GRM8: variants seen among roughly 807,000 people sequenced by gnomAD.
The protein encoded by GRM8 is glutamate metabotropic receptor 8, also known as metabotropic glutamate receptor 8.
A neutral mutation model predicts 87.2 loss-of-function variants in GRM8; 47 were observed. The ratio of observed to expected loss-of-function variants is 0.54; its 90% CI spans 0.43 to 0.69. The LOEUF is 0.69. GRM8 is among the 30% of genes least tolerant of loss of function. GRM8 has a pLI of 0.00. For missense variants in GRM8, 1,019 were observed against 1,139.2 expected (o/e 0.89, Z 1.52); for synonymous variants, 396 against 404.5 (o/e 0.98, Z 0.25).
chr7:126,625,489 C>A (rs563112759), intron 7 of GRM8, among the ~76,000 whole-genome samples: 7 of 150,456 alleles, frequency 4.7e-5, no homozygotes, highest in African/African-American at 1.7e-4. Flanking sequence ...TTCTCTGAAC[C>A]AACTCTTCTT....
At chr7:126,777,223 G>A (rs531910874) in intron 6 of GRM8, among the ~76,000 whole-genome samples, 1 of 152,136 alleles carries the variant, frequency 6.6e-6, no homozygotes, top group Admixed American at 6.6e-5. Context: ...TGGAAAATAA[G>A]GTCAGAGAAG....
chr7:127,240,263 C>G (rs573394962), intron 2 of GRM8, among the ~76,000 whole-genome samples: 9 of 150,250 alleles, frequency 6.0e-5, no homozygotes, highest in East Asian at 3.9e-4. Context: ...AACAAAACAC[C>G]CTCTTGCCTT....
chr7:126,809,049 C>T lies in GRM8; in HGVS notation c.1157-38984G>A, dbSNP rs76841994. ...GAGTTGCATTAGTCCTAGAATCTCA[C>T]AGGGAGAATCTGTTCCCTTGCGTAT... On this transcript the variant is annotated intron_variant, in intron 6 of 10. Coordinates refer to ENST00000339582, the MANE Select transcript of GRM8 (RefSeq NM_000845.3). Among the ~76,000 whole-genome samples the T allele has an allele frequency of 1.3e-4, 20 of 152,238 alleles. 1 individual carries two copies. In the East Asian group the frequency reaches 3.3e-3, roughly 25 times the overall value.
At chr7:126,878,373 T>C (rs959249413) in intron 6 of GRM8, among the ~76,000 whole-genome samples, 2 of 152,192 alleles carry the variant, frequency 1.3e-5, no homozygotes, top group African/African-American at 4.8e-5. Flanking sequence ...TGCTATTTAG[T>C]AACAGGCATA....
chr7:126,899,959 G>A (rs1326972629), intron 6 of GRM8, among the ~76,000 whole-genome samples: 1 of 151,850 alleles, frequency 6.6e-6, no homozygotes, highest in Non-Finnish European at 1.5e-5. Context: ...GAAACCTCAC[G>A]CACCTGTCTT....
At chr7:127,146,709 C>A (rs777620378) in intron 2 of GRM8, among the ~76,000 whole-genome samples, 5 of 152,014 alleles carry the variant, frequency 3.3e-5, no homozygotes, top group African/African-American at 1.2e-4. Context: ...TCTAGTAGGA[C>A]ACAGCTAAGG....
chr7:127,195,424 C>T (rs997541447), intron 2 of GRM8, among the ~76,000 whole-genome samples: 4 of 152,082 alleles, frequency 2.6e-5, no homozygotes, highest in Non-Finnish European at 5.9e-5. Flanking sequence ...TAAAAATTAG[C>T]TAATAATTAT....
intron 6 of GRM8, among the ~76,000 whole-genome samples, chr7:126,853,622 G>T (rs1797422278): frequency 1.3e-5 from 2 of 151,392 alleles, no homozygotes; most frequent in South Asian, 4.2e-4. Context: ...CGATATCATT[G>T]CACCTTGATG....
intron 7 of GRM8, among the ~76,000 whole-genome samples, chr7:126,752,367 C>T (rs1267511043): frequency 1.3e-5 from 2 of 152,210 alleles, no homozygotes; most frequent in African/African-American, 2.4e-5. Flanking sequence ...ATGTAGTTTG[C>T]TATGCTATAC....
Position 126,811,572 on chromosome 7 carries a change from G to A in GRM8, c.1157-41507C>T, listed in dbSNP as rs186508343. ...TTTTGTAGTTTTCCTTGTAGACATCGTTCACTTCCTTGGTTAAATATATTC... is the reference window on the plus strand; with the variant it reads ...TTTTGTAGTTTTCCTTGTAGACATCATTCACTTCCTTGGTTAAATATATTC... On this transcript the variant is annotated intron_variant, in intron 6 of 10. Coordinates refer to ENST00000339582, the MANE Select transcript of GRM8 (RefSeq NM_000845.3). Among the ~76,000 whole-genome samples, 174 of 151,856 alleles carry A rather than the reference G, an allele frequency of 1.1e-3. 1 individual carries two copies. Among genetic ancestry groups the A allele is most frequent in the African/African-American group, 4.1e-3 (168 of 41,450 alleles).
chr7:126,955,436 C>A (rs1808579121), intron 3 of GRM8, among the ~76,000 whole-genome samples: 1 of 151,956 alleles, frequency 6.6e-6, no homozygotes, highest in South Asian at 2.1e-4. Context: ...GCTATCAACT[C>A]ATTCTTTCTG....
intron 7 of GRM8, among the ~76,000 whole-genome samples, chr7:126,683,175 G>C (rs1300162567): frequency 4.6e-5 from 7 of 152,242 alleles, no homozygotes; most frequent in Non-Finnish European, 5.9e-5. Flanking sequence ...TGAGAAACTT[G>C]TTCTCTACAT....
chr7:126,476,870 C>A (rs1326181569), intron 9 of GRM8, among the ~76,000 whole-genome samples: 1 of 151,784 alleles, frequency 6.6e-6, no homozygotes, highest in Non-Finnish European at 1.5e-5. Flanking sequence ...AACTGCCATA[C>A]AATCTAGCAC....
intron 6 of GRM8, among the ~76,000 whole-genome samples, chr7:126,818,106 C>G: frequency 6.6e-6 from 1 of 151,808 alleles, no homozygotes; most frequent in East Asian, 1.9e-4. Flanking sequence ...GGATTTGTTT[C>G]CAACTGGATA....
At chr7:127,242,338 T>C (rs553521452) in intron 2 of GRM8, among the ~76,000 whole-genome samples, 4 of 152,202 alleles carry the variant, frequency 2.6e-5, no homozygotes, top group Non-Finnish European at 4.4e-5. Context: ...ATGTTTTCCA[T>C]GATAAATGCG....
intron 6 of GRM8, among the ~76,000 whole-genome samples, chr7:126,771,777 G>T (rs1818866533): frequency 6.6e-6 from 1 of 151,986 alleles, no homozygotes; most frequent in African/African-American, 2.4e-5. Context: ...GGCTATCTCT[G>T]CAGGGGATTC....
chr7:126,544,657 A>C (rs1816935474), intron 8 of GRM8, among the ~76,000 whole-genome samples: 1 of 151,892 alleles, frequency 6.6e-6, no homozygotes, highest in South Asian at 2.1e-4. Flanking sequence ...ACTAAGGTGC[A>C]CGCCACCACG....
intron 6 of GRM8, among the ~76,000 whole-genome samples, chr7:126,799,580 C>T (rs1021604263): frequency 4.6e-5 from 7 of 152,108 alleles, no homozygotes; most frequent in Non-Finnish European, 1.0e-4. Flanking sequence ...TCAAGAATCC[C>T]TCCTTGTACC....
intron 6 of GRM8, among the ~76,000 whole-genome samples, chr7:126,779,089 T>C (rs1392674558): frequency 6.6e-6 from 1 of 152,022 alleles, no homozygotes; most frequent in Non-Finnish European, 1.5e-5. Flanking sequence ...AAAGCATGGT[T>C]TTTTATCTTG....
Sources: gnomAD v4.1 joint callset for allele counts (sites outside exome capture counted in the v4.1 genomes callset) on GRCh38, gnomAD v4.1.1 for gene constraint, MANE v1.5 for transcripts, NCBI Gene and HGNC (gene_info 2026-07-23, HGNC 2026-07-21) for gene names.